The following SYCP2L variants were observed in gnomAD, a reference collection of about 807,000 sequenced individuals.
SYCP2L encodes the protein synaptonemal complex protein 2 like.
A neutral mutation model predicts 125.8 loss-of-function variants in SYCP2L; 98 were observed. That is an observed-to-expected ratio of 0.78 (90% CI 0.66 to 0.92). The LOEUF is 0.92. Among genes scored for constraint, SYCP2L ranks in the 40% least tolerant of loss-of-function variants. The probability of loss-of-function intolerance (pLI) is 0.00; values close to 1 mark genes in which losing one functional copy is unlikely to be tolerated. For missense variants in SYCP2L, 842 were observed against 936.4 expected (o/e 0.90, Z 1.32); for synonymous variants, 317 against 325.4 (o/e 0.97, Z 0.28).
At chr6:10,973,378 C>A (rs756268555) in intron 29 of SYCP2L, among the ~76,000 whole-genome samples, 8 of 152,082 alleles carry the variant, frequency 5.3e-5, no homozygotes, top group Non-Finnish European at 8.8e-5. Flanking sequence ...ACTAAAAATA[C>A]GAAAATTAGC....
intron 5 of SYCP2L, 77 bp from the exon 6 acceptor site, chr6:10,898,747 C>A: frequency 1.0e-6 from 1 of 979,990 alleles, no homozygotes; most frequent in Non-Finnish European, 1.6e-6. Flanking sequence ...AGAAAGTTAA[C>A]ACTAATACAT....
intron 16 of SYCP2L, among the ~76,000 whole-genome samples, chr6:10,926,842 C>T (rs891166436): frequency 1.1e-4 from 17 of 150,408 alleles, no homozygotes; most frequent in Admixed American, 6.0e-4. Flanking sequence ...TGCAGTGGCA[C>T]GATCTCGGCT....
chr6:10,907,572 C>G lies in SYCP2L; in HGVS notation c.707C>G (p.Ala236Gly), dbSNP rs762330583. Residue 236 changes from alanine (A) to glycine (G), a missense_variant, in exon 10 of 30, where the codon GCG (alanine) becomes GGG (glycine). Ala to Gly is a moderately conservative substitution (Grantham distance 60, BLOSUM62 0). Coordinates refer to ENST00000283141, the MANE Select transcript of SYCP2L (RefSeq NM_001040274.3). ...GACCAGCAGGTTGCTATTTCTGAAG[C>G]GCTGTGTAGACTGACGATTAAAAAA... ...DYDQQVAISEALCRLTIKKSR... is the reference protein window; with the variant it reads ...DYDQQVAISEGLCRLTIKKSR... The G allele has an allele frequency of 1.2e-5, 19 of 1,612,740 alleles. No homozygotes were observed. Among genetic ancestry groups the G allele is most frequent in the Non-Finnish European group, 1.4e-5 (17 of 1,179,360 alleles).
intron 21 of SYCP2L, among the ~76,000 whole-genome samples, chr6:10,937,124 C>T (rs1348360317): frequency 6.6e-6 from 1 of 152,182 alleles, no homozygotes. Flanking sequence ...CATCTAACAG[C>T]AGTGGAACAC....
intron 1 of SYCP2L, among the ~76,000 whole-genome samples, chr6:10,888,320 C>T (rs974560643): frequency 6.6e-6 from 1 of 151,906 alleles, no homozygotes; most frequent in Non-Finnish European, 1.5e-5. Flanking sequence ...TGGTCTCTGT[C>T]TCTTGACCTC....
intron 26 of SYCP2L, among the ~76,000 whole-genome samples, 161 bp downstream of exon 26, chr6:10,959,036 A>G (rs985598992): frequency 6.6e-6 from 1 of 152,224 alleles, no homozygotes; most frequent in Admixed American, 6.5e-5. Flanking sequence ...CTTCATTCAT[A>G]TGAAAAGGGT....
chr6:10,946,116 G>C (rs1781311034), intron 23 of SYCP2L, among the ~76,000 whole-genome samples: 1 of 151,808 alleles, frequency 6.6e-6, no homozygotes, highest in Admixed American at 6.6e-5. Flanking sequence ...CCCCATATTT[G>C]GATTATATCT....
At chr6:10,920,513 G>A (rs1780777586) in intron 14 of SYCP2L, among the ~76,000 whole-genome samples, 1 of 152,182 alleles carries the variant, frequency 6.6e-6, no homozygotes, top group South Asian at 2.1e-4. Flanking sequence ...CACCGTGCCT[G>A]GCCTCCTTAG....
chr6:10,947,691 C>T (rs796366092), intron 23 of SYCP2L, among the ~76,000 whole-genome samples: 45 of 152,032 alleles, frequency 3.0e-4, no homozygotes, highest in African/African-American at 1.0e-3. Context: ...CTATTACTTG[C>T]AAAAAATGAT....
chr6:10,972,173 T>C (rs1443691205), intron 29 of SYCP2L, among the ~76,000 whole-genome samples: 2 of 152,214 alleles, frequency 1.3e-5, no homozygotes, highest in Non-Finnish European at 2.9e-5. Flanking sequence ...TATTCAAAAA[T>C]TTGTAGTGAA....
At chr6:10,931,913 C>T (rs13362778) in intron 20 of SYCP2L, among the ~76,000 whole-genome samples, 162 of 146,830 alleles carry the variant, frequency 1.1e-3, no homozygotes, top group African/African-American at 3.7e-3. Context: ...TGCAGTGAGC[C>T]GAGATTGTGC....
In SYCP2L at chr6:10,955,098, T is replaced by G. The variant is rs934210215; in HGVS notation, c.1955-18T>G. ...GATAATTTCGGGTCAAAAGGAAATG[T>G]GCTCTGTTTGCCTGTAGACATACCA... On this transcript the variant is annotated intron_variant, in intron 23 of 29. Coordinates refer to ENST00000283141, the MANE Select transcript of SYCP2L (RefSeq NM_001040274.3). 1 of 1,556,766 alleles carries G rather than the reference T, an allele frequency of 6.4e-7. No individual in the cohort carries two copies. Among genetic ancestry groups the G allele is most frequent in the African/African-American group, 1.4e-5 (1 of 73,718 alleles).
At chr6:10,940,601 C>G (rs545067040) in intron 21 of SYCP2L, among the ~76,000 whole-genome samples, 1 of 152,204 alleles carries the variant, frequency 6.6e-6, no homozygotes, top group Non-Finnish European at 1.5e-5. Flanking sequence ...ACTATATAAT[C>G]TCACATATAT....
At chr6:10,940,154 G>A (rs1177852078) in intron 21 of SYCP2L, among the ~76,000 whole-genome samples, 1 of 152,196 alleles carries the variant, frequency 6.6e-6, no homozygotes, top group Non-Finnish European at 1.5e-5. Flanking sequence ...CACCTGTCCA[G>A]ATAGCTATTA....
At chr6:10,962,308 A>ATATATTCCTATGCATATATTCCTATGCAT (rs1781608331) in intron 28 of SYCP2L, among the ~76,000 whole-genome samples, 1 of 96,004 alleles carries the variant, frequency 1.0e-5, no homozygotes, top group Admixed American at 1.3e-4. Context: ...ATTCCAAAGC[A>ATATATTCCTATGCATATATTCCTATGCAT]AAAAAAAAAA....
chr6:10,908,941 A>G (rs1267301806), intron 10 of SYCP2L, among the ~76,000 whole-genome samples: 1 of 152,156 alleles, frequency 6.6e-6, no homozygotes, highest in Admixed American at 6.6e-5. Context: ...CAAAGTCTTG[A>G]GAACTCAGTG....
At chr6:10,914,104 A>T (rs1283801928) in intron 14 of SYCP2L, among the ~76,000 whole-genome samples, 12 of 152,278 alleles carry the variant, frequency 7.9e-5, no homozygotes, top group African/African-American at 2.6e-4. Context: ...AAGTGCTGGG[A>T]TTACATGTGT....
chr6:10,890,344 A>G (rs558783739), intron 1 of SYCP2L, among the ~76,000 whole-genome samples: 2 of 152,248 alleles, frequency 1.3e-5, no homozygotes, highest in South Asian at 2.1e-4. Context: ...CTCTTTTTCC[A>G]TATCCTTGCC....
At chr6:10,959,275 T>A (rs1781557475) in intron 26 of SYCP2L, among the ~76,000 whole-genome samples, 1 of 152,222 alleles carries the variant, frequency 6.6e-6, no homozygotes, top group Non-Finnish European at 1.5e-5. Flanking sequence ...GAAATCATTA[T>A]GCTAAAGGAA....
Sources: gnomAD v4.1 joint callset for allele counts (sites outside exome capture counted in the v4.1 genomes callset) on GRCh38, gnomAD v4.1.1 for gene constraint, MANE v1.5 for transcripts, NCBI Gene and HGNC (gene_info 2026-07-23, HGNC 2026-07-21) for gene names.